Variants in MGAM2 observed in about 807,000 individuals in gnomAD.
The protein encoded by MGAM2 is maltase-glucoamylase 2 (putative).
MGAM2 carries 98 observed loss-of-function variants against 96.1 expected under a neutral mutation model. The ratio of observed to expected loss-of-function variants is 1.02; its 90% CI spans 0.87 to 1.21. The LOEUF is 1.21. Ranked by LOEUF, MGAM2 falls within the 50% of genes most tolerant of loss-of-function variation. The pLI is 0.00. For missense variants in MGAM2, 2,055 were observed against 1,182.4 expected (o/e 1.74, Z -10.82); for synonymous variants, 749 against 414.8 (o/e 1.81, Z -9.79).
intron 46 of MGAM2, among the ~76,000 whole-genome samples, chr7:142,209,228 G>T (rs1357283384): frequency 1.3e-5 from 2 of 152,110 alleles, no homozygotes; most frequent in African/African-American, 2.4e-5. Context: ...ATGGAAGAGG[G>T]CTAAAATAAA....
intron 14 of MGAM2, among the ~76,000 whole-genome samples, chr7:142,145,460 G>A (rs1469079410): frequency 1.3e-5 from 2 of 151,282 alleles, no homozygotes; most frequent in Non-Finnish European, 2.9e-5. Flanking sequence ...AGCATCAGTG[G>A]TGCCTTCAAG....
At chr7:142,155,121 A>G (rs753444250) in intron 17 of MGAM2, among the ~76,000 whole-genome samples, 4 of 152,212 alleles carry the variant, frequency 2.6e-5, no homozygotes, top group Non-Finnish European at 4.4e-5. Flanking sequence ...CTTCTGTTCT[A>G]TCCTATATAG....
chr7:142,196,459 A>T (rs550514268), intron 38 of MGAM2, 106 bp from the exon 39 acceptor site: 2 of 671,864 alleles, frequency 3.0e-6, no homozygotes, highest in Non-Finnish European at 5.4e-6. Flanking sequence ...TAATATTTTC[A>T]TCATGGTCCA....
chr7:142,193,396 C>T (rs373765590), intron 37 of MGAM2, among the ~76,000 whole-genome samples: 4 of 152,036 alleles, frequency 2.6e-5, no homozygotes, highest in Non-Finnish European at 5.9e-5. Context: ...GTCTTCTTTG[C>T]TCTTTTCTGT....
At chr7:142,181,543 T>A (rs1312678210) in intron 32 of MGAM2, among the ~76,000 whole-genome samples, 2 of 152,146 alleles carry the variant, frequency 1.3e-5, no homozygotes, top group African/African-American at 2.4e-5. Flanking sequence ...CCAAGTCCAT[T>A]TTTGGTGCTT....
intron 46 of MGAM2, among the ~76,000 whole-genome samples, chr7:142,215,693 GGTT>G (rs1336993540): frequency 1.3e-5 from 2 of 150,190 alleles, no homozygotes; most frequent in Admixed American, 1.3e-4. Flanking sequence ...GGGAGGCAGA[GGTT>G]GTGGTGAGCC....
rs888604312 is a variant in MGAM2 at position 142,221,080 on chromosome 7, G to A, written c.6569G>A (p.Gly2190Asp). 2 of 702,362 alleles carry A rather than the reference G, an allele frequency of 2.8e-6. No homozygotes were observed. Among genetic ancestry groups the A allele is most frequent in the Non-Finnish European group, 5.2e-6 (2 of 384,754 alleles). 43.5% of individuals were successfully genotyped at this position (702,362 alleles called of 1,614,324 possible). A position where few individuals can be genotyped will look rare whatever the true frequency, so the allele number is the denominator to read the frequency against. Residue 2190 changes from glycine (G) to aspartate (D), a missense_variant, in exon 48 of 48, where the codon GGT (glycine) becomes GAT (aspartate). By Grantham distance (94) the Gly-to-Asp change is moderately conservative. Coordinates refer to ENST00000477922, the MANE Select transcript of MGAM2 (RefSeq NM_001293626.2). ...VTAIPSLANT[G>D]VDTTSNSFSI... is the part of the protein sequence containing the mutation. ...GCTATTCCTTCTCTTGCAAATACTGGTGTTGACACTACTAGCAACAGTTTT... is the reference window on the plus strand; with the variant it reads ...GCTATTCCTTCTCTTGCAAATACTGATGTTGACACTACTAGCAACAGTTTT...
chr7:142,192,570 A>T (rs1796903466), intron 37 of MGAM2, among the ~76,000 whole-genome samples: 3 of 152,198 alleles, frequency 2.0e-5, no homozygotes, highest in Admixed American at 2.0e-4. Flanking sequence ...TGGTTAAAAG[A>T]AGAGTAGAAA....
chr7:142,161,839 T>C (rs1795895929), intron 22 of MGAM2, 116 bp from the exon 23 acceptor site: 1 of 515,562 alleles, frequency 1.9e-6, no homozygotes, highest in Non-Finnish European at 3.4e-6. Context: ...TGCACAGAAC[T>C]CAGATGAGCA....
intron 46 of MGAM2, among the ~76,000 whole-genome samples, chr7:142,213,555 A>G (rs1316327306): frequency 7.3e-6 from 1 of 137,086 alleles, no homozygotes; most frequent in African/African-American, 2.7e-5. Flanking sequence ...CTCTATGCAA[A>G]TAAACTAGAA....
chr7:142,143,638 T>C (rs572860230), intron 12 of MGAM2, 131 bp from the exon 13 acceptor site: 2 of 452,180 alleles, frequency 4.4e-6, no homozygotes, highest in East Asian at 3.1e-5. Context: ...TGTTTAGTTT[T>C]TGTTGGGGTA....
Position 142,131,075 on chromosome 7 carries a change from A to G in MGAM2, c.310+4A>G, listed in dbSNP as rs749397772. 1 of 702,348 alleles carries G rather than the reference A, an allele frequency of 1.4e-6. No homozygotes were observed. The highest frequency in any genetic ancestry group is 2.6e-6 in the Non-Finnish European group (1 of 384,804). The allele number at this position is 702,348 out of a possible 1,614,324, so 43.5% of individuals were successfully genotyped here. On this transcript the variant is annotated splice_donor_region_variant and intron_variant, in intron 4 of 47. Coordinates refer to ENST00000477922, the MANE Select transcript of MGAM2 (RefSeq NM_001293626.2). ...GGCCATACAAATACAAGCACAGGTG[A>G]GCACTGCCCTGATGTTGCGCCTGGG...
intron 32 of MGAM2, among the ~76,000 whole-genome samples, chr7:142,177,014 T>C (rs1282279310): frequency 1.5e-4 from 23 of 152,228 alleles, no homozygotes; most frequent in Admixed American, 1.4e-3. Flanking sequence ...AAACTTTTTT[T>C]AACTTCTATT....
At chr7:142,151,655 A>T (rs1236433005) in intron 15 of MGAM2, among the ~76,000 whole-genome samples, 1 of 152,238 alleles carries the variant, frequency 6.6e-6, no homozygotes, top group Non-Finnish European at 1.5e-5. Flanking sequence ...GGAGGGGAAG[A>T]AAGTTTCAAA....
At chr7:142,173,451 T>G in intron 31 of MGAM2, 97 bp downstream of exon 31, 3 of 632,390 alleles carry the variant, frequency 4.7e-6, no homozygotes, top group Non-Finnish European at 8.7e-6. Flanking sequence ...CAAAGATAAC[T>G]TGATACATTC....
At chr7:142,142,918 G>A (rs1268830090) in intron 12 of MGAM2, among the ~76,000 whole-genome samples, 1 of 152,126 alleles carries the variant, frequency 6.6e-6, no homozygotes, top group Non-Finnish European at 1.5e-5. Context: ...GTTGCTGTAG[G>A]TGACTGTTTT....
intron 37 of MGAM2, among the ~76,000 whole-genome samples, chr7:142,195,345 C>CTTTTTTTTTTTT (rs1013124747): frequency 1.4e-5 from 1 of 70,008 alleles, no homozygotes; most frequent in Non-Finnish European, 2.6e-5. Flanking sequence ...CCTTTTTACT[C>CTTTTTTTTTTTT]TTTTTTTTTT....
chr7:142,122,651 C>T (rs932390910), intron 3 of MGAM2, among the ~76,000 whole-genome samples: 2 of 152,154 alleles, frequency 1.3e-5, no homozygotes, highest in Non-Finnish European at 2.9e-5. Context: ...TCATTCAGCA[C>T]ATTTTTGAGA....
At chr7:142,134,224 C>T in intron 7 of MGAM2, 72 bp downstream of exon 7, 1 of 637,134 alleles carries the variant, frequency 1.6e-6, no homozygotes, top group Non-Finnish European at 2.9e-6. Context: ...AAGTAGCCTG[C>T]AGGAATACAT....
Sources: allele counts gnomAD v4.1 joint callset (sites outside exome capture counted in the v4.1 genomes callset), GRCh38; gene constraint gnomAD v4.1.1; transcripts MANE v1.5; gene names NCBI Gene and HGNC (gene_info 2026-07-23, HGNC 2026-07-21).